The following CRPPA variants were observed in gnomAD, a reference collection of about 807,000 sequenced individuals.
CRPPA encodes the protein D-ribitol-5-phosphate cytidylyltransferase.
In CRPPA, 43 loss-of-function variants were observed where a neutral mutation model predicts 52.0. The ratio of observed to expected loss-of-function variants is 0.83; its 90% CI spans 0.65 to 1.07. CRPPA has a LOEUF of 1.07. Among genes scored for constraint, CRPPA ranks in the 50% least tolerant of loss-of-function variants. CRPPA has a pLI of 0.00. For missense variants in CRPPA, 629 were observed against 551.7 expected (o/e 1.14, Z -1.40); for synonymous variants, 250 against 203.5 (o/e 1.23, Z -1.94).
At chr7:16,318,799 C>T (rs1785199333) in intron 3 of CRPPA, among the ~76,000 whole-genome samples, 1 of 152,144 alleles carries the variant, frequency 6.6e-6, no homozygotes, top group African/African-American at 2.4e-5. Flanking sequence ...GCAAGTCAGG[C>T]AAGCAAATCA....
chr7:16,188,592 T>C (rs1031242009), intron 9 of CRPPA, among the ~76,000 whole-genome samples: 8 of 152,148 alleles, frequency 5.3e-5, no homozygotes, highest in African/African-American at 1.9e-4. Flanking sequence ...TCTCAGAGCC[T>C]TGTTTTTCTC....
chr7:16,412,148 C>T (rs1788089262), intron 1 of CRPPA, among the ~76,000 whole-genome samples: 1 of 152,052 alleles, frequency 6.6e-6, no homozygotes, highest in South Asian at 2.1e-4. Flanking sequence ...CACTTATGGC[C>T]TTACACTATT....
intron 9 of CRPPA, among the ~76,000 whole-genome samples, chr7:16,144,806 C>T (rs1292497020): frequency 1.3e-5 from 2 of 152,156 alleles, no homozygotes; most frequent in African/African-American, 4.8e-5. Flanking sequence ...CTGGACTCTC[C>T]CGTCAACAGT....
intron 9 of CRPPA, among the ~76,000 whole-genome samples, chr7:16,136,578 A>G (rs568835070): frequency 6.6e-6 from 1 of 152,338 alleles, no homozygotes; most frequent in South Asian, 2.1e-4. Flanking sequence ...ACAGAGTTAC[A>G]ATACAAATTA....
chr7:16,307,385 C>T (rs1784933545), intron 4 of CRPPA, among the ~76,000 whole-genome samples: 2 of 151,898 alleles, frequency 1.3e-5, no homozygotes, highest in South Asian at 4.2e-4. Flanking sequence ...ATTCTATTCC[C>T]TCCAAAAGAG....
chr7:16,317,613 T>G (rs1482364451), intron 3 of CRPPA, among the ~76,000 whole-genome samples: 1 of 152,162 alleles, frequency 6.6e-6, no homozygotes, highest in Non-Finnish European at 1.5e-5. Flanking sequence ...TAAGTAACAT[T>G]CCAGTGGGTG....
rs575938929 is a variant in CRPPA, at chr7:16,405,190, G to T, written c.534+871C>A. ...TAATCTTAGAGGAAACTATTACATA[G>T]ATGTTATAATTCATCTTAAAATAAT... On this transcript the variant is annotated intron_variant, in intron 2 of 9. Coordinates refer to ENST00000407010, the MANE Select transcript of CRPPA (RefSeq NM_001101426.4). Among the ~76,000 whole-genome samples the T allele has an allele frequency of 3.3e-5, 5 of 151,740 alleles. No individual in the cohort carries two copies. In the South Asian group the frequency reaches 1.0e-3, roughly 32 times the overall value.
chr7:16,264,429 A>G (rs770872730), intron 6 of CRPPA, among the ~76,000 whole-genome samples: 27 of 152,232 alleles, frequency 1.8e-4, no homozygotes, highest in Non-Finnish European at 8.8e-5. Context: ...TTTAGGAAAG[A>G]TTTACCGTAA....
rs571084800 is a variant in CRPPA, at chr7:16,118,256, G to T, written c.1252-26457C>A. Among the ~76,000 whole-genome samples the T allele has an allele frequency of 9.9e-5, 15 of 152,282 alleles. No individual in the cohort carries two copies. In the South Asian group the frequency reaches 1.2e-3, roughly 13 times the overall value. ...CTCTCTGAGGTACAGACTGTGGAAG[G>T]TGGTGGTCTTACCAAGATGGGGCCG... is the stretch of plus-strand genomic sequence containing the variant. On this transcript the variant is annotated intron_variant, in intron 9 of 9. Coordinates refer to ENST00000407010, the MANE Select transcript of CRPPA (RefSeq NM_001101426.4).
chr7:16,099,504 A>AAGGGAAGGAAAG (rs1175834486), intron 9 of CRPPA, among the ~76,000 whole-genome samples: 2 of 150,788 alleles, frequency 1.3e-5, no homozygotes, highest in African/African-American at 4.9e-5. Context: ...GGGAAGGGAA[A>AAGGGAAGGAAAG]AGGGAAGGAA....
At chr7:16,236,260 C>A (rs929073021) in intron 8 of CRPPA, among the ~76,000 whole-genome samples, 1 of 152,066 alleles carries the variant, frequency 6.6e-6, no homozygotes, top group Non-Finnish European at 1.5e-5. Context: ...GCAGAGGAGT[C>A]ATGCTGGTGA....
intron 9 of CRPPA, among the ~76,000 whole-genome samples, chr7:16,150,419 G>T (rs2128378679): frequency 6.6e-6 from 1 of 152,182 alleles, no homozygotes; most frequent in South Asian, 2.1e-4. Flanking sequence ...GGGATGCTGG[G>T]GATAAATCAT....
chr7:16,135,355 A>G (rs1224577162), intron 9 of CRPPA, among the ~76,000 whole-genome samples: 1 of 152,196 alleles, frequency 6.6e-6, no homozygotes, highest in Non-Finnish European at 1.5e-5. Flanking sequence ...ATTTTATTAC[A>G]TAAACTGTAT....
intron 9 of CRPPA, among the ~76,000 whole-genome samples, chr7:16,184,996 G>C (rs935828705): frequency 2.0e-5 from 3 of 152,160 alleles, no homozygotes; most frequent in African/African-American, 7.2e-5. Flanking sequence ...AAATGGGATA[G>C]ACTGGCAAAA....
chr7:16,243,686 G>A (rs1783188853), intron 8 of CRPPA, among the ~76,000 whole-genome samples: 1 of 152,158 alleles, frequency 6.6e-6, no homozygotes, highest in Non-Finnish European at 1.5e-5. Context: ...CCACCTCAAA[G>A]CTGGGTGCAG....
At chr7:16,201,737 A>C (rs988688945) in intron 9 of CRPPA, among the ~76,000 whole-genome samples, 1 of 152,196 alleles carries the variant, frequency 6.6e-6, no homozygotes, top group Admixed American at 6.5e-5. Flanking sequence ...CTTGCCCACT[A>C]AACTACAGGA....
At chr7:16,401,973 T>G (rs1000800001) in intron 2 of CRPPA, among the ~76,000 whole-genome samples, 7 of 152,094 alleles carry the variant, frequency 4.6e-5, no homozygotes, top group African/African-American at 1.4e-4. Flanking sequence ...ATCAGAGAAA[T>G]AAGATGGCAG....
At chr7:16,314,617 ATT>A (rs1562626210) in intron 3 of CRPPA, among the ~76,000 whole-genome samples, 2 of 152,026 alleles carry the variant, frequency 1.3e-5, no homozygotes, top group African/African-American at 4.8e-5. Context: ...AAAAATTTCC[ATT>A]TTTGTTTGTC....
At chr7:16,155,437 T>A (rs1340815017) in intron 9 of CRPPA, among the ~76,000 whole-genome samples, 1 of 152,166 alleles carries the variant, frequency 6.6e-6, no homozygotes, top group African/African-American at 2.4e-5. Context: ...GTTTTTTCAA[T>A]ACAAGTTACA....
Sources: allele counts gnomAD v4.1 joint callset (sites outside exome capture counted in the v4.1 genomes callset), GRCh38; gene constraint gnomAD v4.1.1; transcripts MANE v1.5; gene names NCBI Gene and HGNC (gene_info 2026-07-23, HGNC 2026-07-21).